TSC2: variants seen among roughly 807,000 people sequenced by gnomAD.
The protein encoded by TSC2 is tuberin.
In TSC2, 29 loss-of-function variants were observed where a neutral mutation model predicts 202.2. The observed-to-expected ratio is 0.14, with a 90% CI of 0.11 to 0.20. The LOEUF is 0.20. TSC2 is among the 10% of genes least tolerant of loss of function. The pLI, the probability that TSC2 is intolerant of heterozygous loss-of-function variation, is 1.00. For missense variants in TSC2, 2,429 were observed against 2,420.0 expected (o/e 1.00, Z -0.08); for synonymous variants, 1,349 against 1,044.0 (o/e 1.29, Z -5.63).
At chr16:2,070,723 C>T (rs1482879104) in intron 17 of TSC2, 145 bp downstream of exon 17, 2 of 1,362,416 alleles carry the variant, frequency 1.5e-6, no homozygotes, top group Non-Finnish European at 2.0e-6. Context: ...ACTGTGGCCG[C>T]AGCCTCCCCA....
chr16:2,062,713 C>A, intron 13 of TSC2, 113 bp downstream of exon 13: 1 of 1,194,190 alleles, frequency 8.4e-7, no homozygotes. Flanking sequence ...TCCCCTCTGC[C>A]TCTGGAGAGC....
Position 2,069,731 on chromosome 16 carries a change from C to T in TSC2, c.1717-725C>T, listed in dbSNP as rs567801956. Among the ~76,000 whole-genome samples the T allele has an allele frequency of 5.9e-5, 9 of 152,304 alleles. No homozygotes were observed. The South Asian group carries it at 6.2e-4, about 11-fold the overall frequency. On this transcript the variant is annotated intron_variant, in intron 16 of 41. Transcript: ENST00000219476. ...TCCTGACCTCATGATCCACCCGCCT[C>T]GGCTTCCCAAAGTGCTGGGATTACA... is the stretch of plus-strand genomic sequence containing the variant.
intron 17 of TSC2, among the ~76,000 whole-genome samples, chr16:2,071,116 G>T (rs910856316): frequency 6.6e-6 from 1 of 152,220 alleles, no homozygotes; most frequent in Admixed American, 6.5e-5. Context: ...GCTCTCTGGG[G>T]CCACCCCTGT....
intron 30 of TSC2, 107 bp downstream of exon 30, chr16:2,080,484 A>C: frequency 7.3e-7 from 1 of 1,378,478 alleles, no homozygotes. Flanking sequence ...ATTTGGGGGT[A>C]ACTTTTGTTT....
At chr16:2,070,953 C>T (rs573345120) in intron 17 of TSC2, among the ~76,000 whole-genome samples, 3 of 151,546 alleles carry the variant, frequency 2.0e-5, no homozygotes, top group African/African-American at 4.9e-5. Flanking sequence ...AGAGCTGAGA[C>T]GGCAGGGCAG....
In TSC2 at chr16:2,047,999, C is replaced by T. The variant is rs1395336113; in HGVS notation, c.-96C>T. Reference sequence around the variant, plus strand: ...GTGCGGGTCGCGCTTCCGGCGGCGTCCCGGGGCCAGGGGGGTGCGCCTTTC... The same window carrying T: ...GTGCGGGTCGCGCTTCCGGCGGCGTTCCGGGGCCAGGGGGGTGCGCCTTTC... On this transcript the variant is annotated 5_prime_UTR_variant, in exon 1 of 42. Transcript: ENST00000219476. 3 of 1,507,146 alleles carry T rather than the reference C, an allele frequency of 2.0e-6. No individual in the cohort carries two copies. Among genetic ancestry groups the T allele is most frequent in the African/African-American group, 2.8e-5 (2 of 71,312 alleles). The allele number at this position is 1,507,146 out of a possible 1,614,324, so 93.4% of individuals were successfully genotyped here. A position where few individuals can be genotyped will look rare whatever the true frequency, so the allele number is the denominator to read the frequency against.
At chr16:2,082,676 C>T (rs1287364898) in intron 32 of TSC2, 172 bp downstream of exon 32, 12 of 736,636 alleles carry the variant, frequency 1.6e-5, no homozygotes, top group Admixed American at 1.0e-4. Context: ...GCTTGGCCAG[C>T]GGGATCCCCT....
At chr16:2,073,970 T>A (rs1459918906) in intron 21 of TSC2, among the ~76,000 whole-genome samples, 2 of 152,274 alleles carry the variant, frequency 1.3e-5, no homozygotes. Context: ...GAGCCCAGCA[T>A]GTCTGGGTTC....
rs1596416227 is a variant in TSC2 at position 2,084,362 on chromosome 16, G to A, written c.4140G>A (p.Gln1380=). 3 of 1,612,614 alleles carry A rather than the reference G, an allele frequency of 1.9e-6. No homozygotes were observed. Among genetic ancestry groups the A allele is most frequent in the Non-Finnish European group, 2.5e-6 (3 of 1,179,970 alleles). ...TGGACCTCTCCTTCCAGCCCTCGCA[G>A]CCCCTGAGCAAGTCCAGCTCCTCTC... ...PSVDLSFQPS[Q]PLSKSSSSPE... is the part of the protein sequence containing the mutation. Residue 1380 remains glutamine (Q), a synonymous_variant, in exon 34 of 42, where the codon CAG becomes CAA. Transcript: ENST00000219476.
chr16:2,075,525 CAAAAA>C (rs933350142), intron 22 of TSC2, among the ~76,000 whole-genome samples: 8 of 27,304 alleles, frequency 2.9e-4, no homozygotes, highest in African/African-American at 7.6e-4. Flanking sequence ...AGACTCATCT[CAAAAA>C]AAAAAAAAAA....
In TSC2 at chr16:2,077,724, C is replaced by T. The variant is rs757274577; in HGVS notation, c.2964C>T (p.Arg988=). ...RSISVSEHVV[R]SRIQTSLTSA... ...TCAGTGTGTCTGAACATGTGGTCCG[C>T]AGGTAGCGGGACTGTCGGGTGGGGG... is the stretch of plus-strand genomic sequence containing the variant. Residue 988 remains arginine (R), a splice_region_variant and synonymous_variant, in exon 26 of 42, where the codon CGC becomes CGT. Transcript: ENST00000219476. 3 of 1,612,596 alleles carry T rather than the reference C, an allele frequency of 1.9e-6. No individual in the cohort carries two copies. Among genetic ancestry groups the T allele is most frequent in the Non-Finnish European group, 2.5e-6 (3 of 1,180,004 alleles).
intron 22 of TSC2, chr16:2,074,630 C>T (rs1191050912): frequency 6.9e-6 from 4 of 581,110 alleles, no homozygotes; most frequent in Non-Finnish European, 1.2e-5. Flanking sequence ...AAGCCTCTTC[C>T]CCCCCGAGCA....
chr16:2,069,906 C>G (rs948418675), intron 16 of TSC2, among the ~76,000 whole-genome samples: 1 of 152,250 alleles, frequency 6.6e-6, no homozygotes, highest in Non-Finnish European at 1.5e-5. Context: ...AGCCACCACA[C>G]CTGGCCTCAG....
chr16:2,072,760 GC>G, intron 20 of TSC2, 88 bp from the exon 21 acceptor site: 1 of 1,603,536 alleles, frequency 6.2e-7, no homozygotes, highest in Non-Finnish European at 8.5e-7. Context: ...CCTTTCCTGG[GC>G]CTGCGTTCCC....
At position 2,088,660 on chromosome 16, in the gene TSC2, T is replaced by A; in HGVS notation, c.*50T>A. The A allele has an allele frequency of 6.4e-7, 1 of 1,564,244 alleles. No individual in the cohort carries two copies. The highest frequency in any genetic ancestry group is 8.6e-7 in the Non-Finnish European group (1 of 1,161,962). ...GGCCTTGGACGGTATTGCCTGTCAG[T>A]GAAATAAATAAAGTCCTGACCCCAG... On this transcript the variant is annotated 3_prime_UTR_variant, in exon 42 of 42. Coordinates refer to ENST00000219476, the MANE Select transcript of TSC2 (RefSeq NM_000548.5).
Position 2,071,788 on chromosome 16 carries a change from C to T in TSC2, c.1951C>T (p.Pro651Ser), listed in dbSNP as rs763160835. ...CTGCTTCTCTTGCTTCTGCAGGGAG[C>T]CAGAGAGAGGCTCTGAGAAGAAGAC... Reference protein sequence around the residue: ...SPYCVCDYMEPERGSEKKTSG... With the variant: ...SPYCVCDYMESERGSEKKTSG... Residue 651 changes from proline (P) to serine (S), a missense_variant, in exon 19 of 42, where the codon CCA (proline) becomes TCA (serine). Transcript: ENST00000219476. The T allele has an allele frequency of 1.2e-6, 2 of 1,606,274 alleles. No homozygotes were observed. Among genetic ancestry groups the T allele is most frequent in the Non-Finnish European group, 1.7e-6 (2 of 1,177,130 alleles).
In TSC2 at chr16:2,089,013, G is replaced by T; in HGVS notation, c.*403G>T. On this transcript the variant is annotated 3_prime_UTR_variant, in exon 42 of 42. Transcript: ENST00000219476. ...ACTTGCCCAGACCTGATGCCAGCAG[G>T]CCTGGGCGCTGCTCTCTTGCTACCT... is the stretch of plus-strand genomic sequence containing the variant. 1 of 226,342 alleles carries T rather than the reference G, an allele frequency of 4.4e-6. No homozygotes were observed. Among genetic ancestry groups the T allele is most frequent in the Non-Finnish European group, 8.9e-6 (1 of 112,732 alleles). 14.0% of individuals were successfully genotyped at this position (226,342 alleles called of 1,614,324 possible).
In TSC2 at chr16:2,083,381, G is replaced by A. The variant is rs530637994; in HGVS notation, c.3884-314G>A. 1,828 of 513,332 alleles carry A rather than the reference G, an allele frequency of 3.6e-3. 7 individuals carry two copies. Among genetic ancestry groups the A allele is most frequent in the Non-Finnish European group, 5.4e-3 (1,470 of 271,246 alleles). The allele number at this position is 513,332 out of a possible 1,614,324, so 31.8% of individuals were successfully genotyped here. A position where few individuals can be genotyped will look rare whatever the true frequency, so the allele number is the denominator to read the frequency against. ...TCCCGCTCTTTTAGAGCTGAGGCCC[G>A]TCGGGCGGAGAGCGTCTTGCCCCTG... On this transcript the variant is annotated intron_variant, in intron 32 of 41. Coordinates refer to ENST00000219476, the MANE Select transcript of TSC2 (RefSeq NM_000548.5).
chr16:2,059,269 C>T (rs2086308427), intron 10 of TSC2, among the ~76,000 whole-genome samples: 1 of 151,524 alleles, frequency 6.6e-6, no homozygotes, highest in African/African-American at 2.4e-5. Flanking sequence ...CCACCCATCT[C>T]AGACTCCCAA....
Sources: gnomAD v4.1 joint callset for allele counts (sites outside exome capture counted in the v4.1 genomes callset) on GRCh38, gnomAD v4.1.1 for gene constraint, MANE v1.5 for transcripts, NCBI Gene and HGNC (gene_info 2026-07-23, HGNC 2026-07-21) for gene names.